The following LRMDA variants were observed in gnomAD, a reference collection of about 807,000 sequenced individuals.
The protein encoded by LRMDA is leucine-rich melanocyte differentiation-associated protein.
LRMDA carries 18 observed loss-of-function variants against 29.8 expected under a neutral mutation model. The ratio of observed to expected loss-of-function variants is 0.60; its 90% CI spans 0.42 to 0.90. The LOEUF is 0.90. Ranked by LOEUF, LRMDA falls within the 40% of genes least tolerant of loss-of-function variation. The pLI is 0.00. For synonymous variants in LRMDA, 125 were observed against 109.4 expected (o/e 1.14, Z -0.89); for missense variants, 273 against 273.9 (o/e 1.00, Z 0.02).
chr10:75,984,545 A>G (rs1418764990), intron 2 of LRMDA, among the ~76,000 whole-genome samples: 1 of 152,246 alleles, frequency 6.6e-6, no homozygotes, highest in East Asian at 1.9e-4. Flanking sequence ...CACCTCCTTC[A>G]TGCTGCATGA....
chr10:75,441,754 C>T (rs1036913992), intron 2 of LRMDA, among the ~76,000 whole-genome samples: 1 of 149,560 alleles, frequency 6.7e-6, no homozygotes, highest in Non-Finnish European at 1.5e-5. Flanking sequence ...AATATCTCTA[C>T]AGGCTTTCTT....
At chr10:75,851,949 T>A (rs932522090) in intron 2 of LRMDA, among the ~76,000 whole-genome samples, 11 of 152,196 alleles carry the variant, frequency 7.2e-5, no homozygotes, top group African/African-American at 2.7e-4. Context: ...TCGGTTGAGA[T>A]CCATGACTTG....
intron 2 of LRMDA, among the ~76,000 whole-genome samples, chr10:75,654,151 G>A (rs538464196): frequency 1.3e-5 from 2 of 152,288 alleles, no homozygotes; most frequent in African/African-American, 4.8e-5. Context: ...TTTTCCTTTG[G>A]TGATATAGTA....
At chr10:76,217,575 C>T (rs1051071789) in intron 5 of LRMDA, among the ~76,000 whole-genome samples, 1 of 152,082 alleles carries the variant, frequency 6.6e-6, no homozygotes, top group African/African-American at 2.4e-5. Context: ...TTCTGGGGAC[C>T]AGGAGGGTAC....
intron 6 of LRMDA, among the ~76,000 whole-genome samples, chr10:76,550,318 A>G (rs1403891113): frequency 1.3e-5 from 2 of 152,308 alleles, no homozygotes; most frequent in East Asian, 3.9e-4. Flanking sequence ...TCAAATTTGG[A>G]GAATTCAAAT....
chr10:76,415,571 T>C (rs1398043655), intron 6 of LRMDA, among the ~76,000 whole-genome samples: 2 of 152,036 alleles, frequency 1.3e-5, no homozygotes, highest in Non-Finnish European at 2.9e-5. Context: ...GTTTCCATAT[T>C]AACATTCTCT....
intron 2 of LRMDA, among the ~76,000 whole-genome samples, chr10:75,554,286 G>C (rs943643679): frequency 6.6e-6 from 1 of 152,234 alleles, no homozygotes; most frequent in African/African-American, 2.4e-5. Context: ...GTGTGTCCAG[G>C]GTGATCAGGA....
At chr10:75,653,450 A>G (rs1445131511) in intron 2 of LRMDA, among the ~76,000 whole-genome samples, 1 of 152,226 alleles carries the variant, frequency 6.6e-6, no homozygotes. Flanking sequence ...CTGATAAAGG[A>G]GGACTCTAAA....
At chr10:76,525,513 G>T (rs1008748507) in intron 6 of LRMDA, among the ~76,000 whole-genome samples, 6 of 152,276 alleles carry the variant, frequency 3.9e-5, no homozygotes, top group Middle Eastern at 3.4e-3. Flanking sequence ...CTCCACAGTA[G>T]GGGGTAGGAG....
chr10:75,928,949 A>C (rs922601773), intron 2 of LRMDA, among the ~76,000 whole-genome samples: 1 of 152,202 alleles, frequency 6.6e-6, no homozygotes, highest in Non-Finnish European at 1.5e-5. Flanking sequence ...CAACTGGGTG[A>C]GATTTTCTTT....
intron 2 of LRMDA, among the ~76,000 whole-genome samples, chr10:75,744,895 A>G (rs116625523): frequency 0.012 from 1,836 of 152,252 alleles, 34 homozygotes; most frequent in African/African-American, 0.039. Flanking sequence ...TACCTAAACT[A>G]TCTCCCTGCC....
At chr10:75,609,832 A>G (rs528449206) in intron 2 of LRMDA, among the ~76,000 whole-genome samples, 1 of 152,290 alleles carries the variant, frequency 6.6e-6, no homozygotes, top group East Asian at 1.9e-4. Flanking sequence ...GAAGGTCTTC[A>G]GTAGGCAGGG....
chr10:75,510,750 G>C (rs1845216035), intron 2 of LRMDA, among the ~76,000 whole-genome samples: 1 of 152,174 alleles, frequency 6.6e-6, no homozygotes, highest in South Asian at 2.1e-4. Flanking sequence ...AAGAGGTGGG[G>C]GTGTTGGCCA....
Position 76,275,669 on chromosome 10 carries a change from T to A in LRMDA, c.517-48732T>A, listed in dbSNP as rs138646072. ...TTGGTCTTTGTTTCTTTAGGTCTTCTTTTTAAATCCATTAAATTGTGTGTG... is the reference window on the plus strand; with the variant it reads ...TTGGTCTTTGTTTCTTTAGGTCTTCATTTTAAATCCATTAAATTGTGTGTG... On this transcript the variant is annotated intron_variant, in intron 5 of 6. Transcript: ENST00000611255. Among the ~76,000 whole-genome samples the A allele has an allele frequency of 3.1e-3, 473 of 152,278 alleles. 3 individuals carry two copies. Among genetic ancestry groups the A allele is most frequent in the African/African-American group, 0.011 (454 of 41,562 alleles).
At chr10:76,365,107 T>TATATATATATATATATATATATATATAC (rs141131236) in intron 6 of LRMDA, among the ~76,000 whole-genome samples, 2 of 61,202 alleles carry the variant, frequency 3.3e-5, no homozygotes, top group African/African-American at 4.7e-5. Flanking sequence ...TATATATATA[T>TATATATATATATATATATATATATATAC]ACACACACAC....
At chr10:75,976,040 A>T (rs924283840) in intron 2 of LRMDA, among the ~76,000 whole-genome samples, 9 of 152,190 alleles carry the variant, frequency 5.9e-5, no homozygotes, top group Non-Finnish European at 8.8e-5. Flanking sequence ...TCAAATTGTC[A>T]ATCAGCTCCT....
intron 2 of LRMDA, among the ~76,000 whole-genome samples, chr10:75,532,949 C>T (rs796688474): frequency 3.4e-4 from 51 of 152,230 alleles, no homozygotes; most frequent in African/African-American, 1.2e-3. Flanking sequence ...CATCAAGGGG[C>T]TCACTCTCTC....
intron 2 of LRMDA, among the ~76,000 whole-genome samples, chr10:75,569,905 T>G (rs1840417549): frequency 6.6e-6 from 1 of 152,242 alleles, no homozygotes; most frequent in Non-Finnish European, 1.5e-5. Flanking sequence ...GAGGCAGTTT[T>G]GTTGAAGGCA....
chr10:75,656,803 G>A (rs569854724), intron 2 of LRMDA, among the ~76,000 whole-genome samples: 28 of 152,302 alleles, frequency 1.8e-4, no homozygotes, highest in African/African-American at 6.7e-4. Flanking sequence ...CCGGAATAAT[G>A]TATTGGATTG....
Sources: gnomAD v4.1 joint callset for allele counts (sites outside exome capture counted in the v4.1 genomes callset) on GRCh38, gnomAD v4.1.1 for gene constraint, MANE v1.5 for transcripts, NCBI Gene and HGNC (gene_info 2026-07-23, HGNC 2026-07-21) for gene names.